ZBTB16: variants seen among roughly 807,000 people sequenced by gnomAD.
The protein encoded by ZBTB16 is zinc finger and BTB domain-containing protein 16.
ZBTB16 carries 8 observed loss-of-function variants against 56.8 expected under a neutral mutation model. The observed-to-expected ratio is 0.14, with a 90% CI of 0.08 to 0.25. The LOEUF (loss-of-function observed/expected upper bound fraction) is 0.25, where lower values mean the gene tolerates loss of function less well. Among genes scored for constraint, ZBTB16 ranks in the 10% least tolerant of loss-of-function variants. The pLI is 1.00. For missense variants in ZBTB16, 625 were observed against 903.0 expected (o/e 0.69, Z 3.95); for synonymous variants, 363 against 368.5 (o/e 0.98, Z 0.17).
In ZBTB16 at chr11:114,060,785, T is replaced by C. The variant is rs554049484; in HGVS notation, c.-91+903T>C. On this transcript the variant is annotated intron_variant, in intron 1 of 6. Transcript: ENST00000335953. This position sits in a 1 kb window ranked among gnomAD's most constrained non-coding sequence, Gnocchi z 6.0. The stretch of plus-strand genomic sequence containing the variant: ...CCTCCCCGAGACGCTCGCACCGTGC[T>C]TGGGCCGGGCGCGCTGGCCGCTGGC... 2.9e-4 allele frequency among the ~76,000 whole-genome samples: 44 copies of C among 151,822 alleles called. No homozygotes were observed. The highest frequency in any genetic ancestry group is 1.1e-3 in the African/African-American group (44 of 41,358).
chr11:114,099,452 G>T (rs1940532432), intron 2 of ZBTB16, among the ~76,000 whole-genome samples: 1 of 151,570 alleles, frequency 6.6e-6, no homozygotes. Context: ...TCCTCTCTTG[G>T]CACCTGGCTT....
chr11:114,146,215 CT>C (rs1294208355), intron 2 of ZBTB16, among the ~76,000 whole-genome samples: 1 of 152,004 alleles, frequency 6.6e-6, no homozygotes, highest in Non-Finnish European at 1.5e-5. Context: ...ATTCAATTTA[CT>C]TTTTTTCTTA....
intron 4 of ZBTB16, among the ~76,000 whole-genome samples, chr11:114,227,497 A>G (rs1263531520): frequency 3.3e-5 from 5 of 152,194 alleles, no homozygotes; most frequent in Non-Finnish European, 7.3e-5. Context: ...CCATCCAATA[A>G]ATATTCATTG....
In ZBTB16 at chr11:114,088,924, C is replaced by T. The variant is rs886103910; in HGVS notation, c.1268+24356C>T. ...AAGGGAGGTGGCCTGGGGGCCCCCC[C>T]ACACAATGCCTGATTGTGCAGGCAT... On this transcript the variant is annotated intron_variant, in intron 2 of 6. Transcript: ENST00000335953. Among the ~76,000 whole-genome samples, 5 of 152,138 alleles carry T rather than the reference C, an allele frequency of 3.3e-5. No individual in the cohort carries two copies. In the East Asian group the frequency reaches 7.7e-4, roughly 23 times the overall value.
intron 3 of ZBTB16, among the ~76,000 whole-genome samples, chr11:114,170,945 C>T (rs1333057765): frequency 2.0e-5 from 3 of 152,198 alleles, no homozygotes; most frequent in Admixed American, 6.5e-5. Flanking sequence ...TACTATCTTG[C>T]CTGAATATCC....
At chr11:114,186,787 C>T (rs969187992) in intron 3 of ZBTB16, among the ~76,000 whole-genome samples, 165 bp from the exon 4 acceptor site, 4 of 152,158 alleles carry the variant, frequency 2.6e-5, no homozygotes, top group Non-Finnish European at 5.9e-5. Context: ...TGGGTGAATG[C>T]TCACCTCTTG....
Position 114,063,793 on chromosome 11 carries a change from G to A in ZBTB16, c.493G>A (p.Glu165Lys). Residue 165 changes from glutamate to lysine, a missense_variant, in exon 2 of 7, where the codon GAG becomes AAG. Transcript: ENST00000335953. The surrounding 1 kb of genome is among the most constrained non-coding windows in gnomAD (Gnocchi z 6.5). ...CTTCATCTCGAAGCATTCCAGCGAG[G>A]AGAGTGGGTATGCCAGTGTGGCTGG... ...NIFISKHSSE[E>K]SGYASVAGQS... The A allele has an allele frequency of 6.2e-7, 1 of 1,614,206 alleles. No individual in the cohort carries two copies. Among genetic ancestry groups the A allele is most frequent in the South Asian group, 1.1e-5 (1 of 91,084 alleles).
chr11:114,137,565 A>G (rs1941830835), intron 2 of ZBTB16, among the ~76,000 whole-genome samples: 1 of 152,188 alleles, frequency 6.6e-6, no homozygotes, highest in Non-Finnish European at 1.5e-5. Context: ...CCAGGCCATG[A>G]CACTTCCAAA....
chr11:114,214,002 C>A (rs902829990), intron 4 of ZBTB16, among the ~76,000 whole-genome samples: 17 of 152,160 alleles, frequency 1.1e-4, no homozygotes, highest in African/African-American at 3.6e-4. Flanking sequence ...TCCTACTATT[C>A]TGACATAAAT....
intron 1 of ZBTB16, chr11:114,061,615 C>T (rs1436372092): frequency 6.6e-6 from 1 of 152,308 alleles, no homozygotes; most frequent in Non-Finnish European, 1.5e-5. Flanking sequence ...TCCTTGCTCT[C>T]AGTGCATTCA....
intron 3 of ZBTB16, among the ~76,000 whole-genome samples, chr11:114,158,346 T>C (rs902044064): frequency 2.0e-5 from 3 of 152,190 alleles, no homozygotes; most frequent in Admixed American, 6.5e-5. Context: ...ACTCATTTTC[T>C]TGGTTTGCTT....
chr11:114,229,386 C>T (rs955964455), intron 4 of ZBTB16, among the ~76,000 whole-genome samples: 25 of 152,118 alleles, frequency 1.6e-4, no homozygotes, highest in African/African-American at 5.8e-4. Context: ...CTATAGTAAA[C>T]GAGATTGAAA....
At chr11:114,245,641 C>T (rs1001983814) in intron 5 of ZBTB16, among the ~76,000 whole-genome samples, 3 of 152,044 alleles carry the variant, frequency 2.0e-5, no homozygotes, top group Non-Finnish European at 2.9e-5. Context: ...CACAGGCATG[C>T]GAGTCTATAA....
Position 114,074,790 on chromosome 11 carries a change from C to T in ZBTB16, c.1268+10222C>T, listed in dbSNP as rs555302270. Among the ~76,000 whole-genome samples, 440 of 152,340 alleles carry T rather than the reference C, an allele frequency of 2.9e-3. 2 individuals are homozygous for T. Among genetic ancestry groups the T allele is most frequent in the African/African-American group, 0.01 (427 of 41,574 alleles). On this transcript the variant is annotated intron_variant, in intron 2 of 6. Transcript: ENST00000335953. ...AATGAATGTTGCCGCTAAAGGTCCG[C>T]GGCCCTGACCCTGGCGGCATAACCT...
At chr11:114,148,196 G>A (rs1287460100) in intron 2 of ZBTB16, among the ~76,000 whole-genome samples, 2 of 151,956 alleles carry the variant, frequency 1.3e-5, no homozygotes, top group Admixed American at 6.6e-5. Flanking sequence ...TGCTGTATTC[G>A]GTGTGGTCAT....
At chr11:114,204,299 C>T (rs946853843) in intron 4 of ZBTB16, among the ~76,000 whole-genome samples, 4 of 152,004 alleles carry the variant, frequency 2.6e-5, no homozygotes, top group African/African-American at 7.2e-5. Flanking sequence ...CCACCATGCC[C>T]GGCTAATTTT....
rs866875273 is a variant in ZBTB16 at position 114,067,002 on chromosome 11, C to T, written c.1268+2434C>T. Reference sequence around the variant, plus strand: ...GGCCAGAATGGTCTCGATCTCTTGACCTTGCGATCCATCCACCTCGGCCTC... The same window carrying T: ...GGCCAGAATGGTCTCGATCTCTTGATCTTGCGATCCATCCACCTCGGCCTC... On this transcript the variant is annotated intron_variant, in intron 2 of 6. Coordinates refer to ENST00000335953, the MANE Select transcript of ZBTB16 (RefSeq NM_006006.6). Among the ~76,000 whole-genome samples the T allele has an allele frequency of 3.9e-5, 6 of 152,048 alleles. No individual in the cohort carries two copies. In the South Asian group the frequency reaches 1.2e-3, roughly 31 times the overall value.
At chr11:114,218,713 T>A (rs375620) in intron 4 of ZBTB16, among the ~76,000 whole-genome samples, 55,333 of 152,056 alleles carry the variant, frequency 0.36, 10,907 homozygotes, top group East Asian at 0.47. Context: ...TTTTTTGTTC[T>A]GTAACTCATG....
At chr11:114,162,242 A>G (rs1942609294) in intron 3 of ZBTB16, among the ~76,000 whole-genome samples, 1 of 152,242 alleles carries the variant, frequency 6.6e-6, no homozygotes, top group Non-Finnish European at 1.5e-5. Flanking sequence ...GGACGGAAGA[A>G]GAAAAGCATT....
Sources: allele counts gnomAD v4.1 joint callset (sites outside exome capture counted in the v4.1 genomes callset), GRCh38; gene constraint gnomAD v4.1.1; non-coding constraint Gnocchi (gnomAD v3.1); transcripts MANE v1.5; gene names NCBI Gene and HGNC (gene_info 2026-07-23, HGNC 2026-07-21).